The following SYT16 variants were observed in gnomAD, a reference collection of about 807,000 sequenced individuals.
SYT16 encodes the protein synaptotagmin 16.
A neutral mutation model predicts 61.4 loss-of-function variants in SYT16; 42 were observed. The observed-to-expected ratio is 0.68, with a 90% CI of 0.53 to 0.89. The LOEUF is 0.89. Ranked by LOEUF, SYT16 falls within the 40% of genes least tolerant of loss-of-function variation. The pLI is 0.00. For synonymous variants in SYT16, 314 were observed against 302.3 expected (o/e 1.04, Z -0.40); for missense variants, 804 against 807.3 (o/e 1.00, Z 0.05).
intron 1 of SYT16, among the ~76,000 whole-genome samples, chr14:61,964,618 G>A (rs1396127949): frequency 1.3e-5 from 2 of 152,170 alleles, no homozygotes; most frequent in Non-Finnish European, 2.9e-5. Context: ...TTAGGATGCT[G>A]CGTAAACTTA....
chr14:61,917,674 T>C (rs1566678745), intron 1 of SYT16, among the ~76,000 whole-genome samples: 1 of 152,248 alleles, frequency 6.6e-6, no homozygotes, highest in East Asian at 1.9e-4. Context: ...TAAAGGTACT[T>C]GAGTTGGACT....
In SYT16 at chr14:62,018,235, C is replaced by T. The variant is rs188288501; in HGVS notation, c.523+21693C>T. On this transcript the variant is annotated intron_variant, in intron 3 of 7. Coordinates refer to ENST00000683842, the MANE Select transcript of SYT16 (RefSeq NM_001367656.1). ...CTCTCTGACCTTATTCTGTTCCTTT[C>T]TCTTTGCTCACTCTGATTCAGGAAC... Among the ~76,000 whole-genome samples the T allele has an allele frequency of 5.3e-5, 8 of 149,928 alleles. No individual in the cohort carries two copies. The East Asian group carries it at 1.6e-3, about 29-fold the overall frequency.
At chr14:62,074,698 G>A (rs1300682865) in intron 4 of SYT16, among the ~76,000 whole-genome samples, 1 of 152,158 alleles carries the variant, frequency 6.6e-6, no homozygotes, top group African/African-American at 2.4e-5. Context: ...TACTTGGTAG[G>A]ATCACCAAAG....
chr14:61,963,984 G>A (rs547474001), intron 1 of SYT16, among the ~76,000 whole-genome samples: 70 of 152,224 alleles, frequency 4.6e-4, no homozygotes, highest in African/African-American at 1.5e-3. Flanking sequence ...TTGTAAACCC[G>A]CTGTTGAGAC....
At chr14:61,960,972 C>A (rs984062218) in intron 1 of SYT16, among the ~76,000 whole-genome samples, 1 of 152,136 alleles carries the variant, frequency 6.6e-6, no homozygotes, top group Admixed American at 6.6e-5. Context: ...CATACACCTA[C>A]AATCATCTGA....
chr14:61,944,676 G>C (rs2050348343), intron 1 of SYT16, among the ~76,000 whole-genome samples: 1 of 152,130 alleles, frequency 6.6e-6, no homozygotes. Flanking sequence ...GGGAAAACTG[G>C]GTAGCCATAT....
At chr14:61,938,860 T>C (rs978728331) in intron 1 of SYT16, among the ~76,000 whole-genome samples, 6 of 152,236 alleles carry the variant, frequency 3.9e-5, no homozygotes, top group South Asian at 2.1e-4. Context: ...TGAGGCTGGG[T>C]GCGGTGGCTC....
At chr14:61,962,829 G>T (rs538192014) in intron 1 of SYT16, among the ~76,000 whole-genome samples, 1 of 151,972 alleles carries the variant, frequency 6.6e-6, no homozygotes, top group African/African-American at 2.4e-5. Flanking sequence ...TCTAGTATTT[G>T]TGTTTGGTTC....
chr14:61,915,865 C>G (rs540343731), intron 1 of SYT16, among the ~76,000 whole-genome samples: 1 of 152,286 alleles, frequency 6.6e-6, no homozygotes, highest in Admixed American at 6.5e-5. Flanking sequence ...ATTATTAATC[C>G]TTTCCCTGCT....
chr14:61,945,699 A>G (rs1261136128), intron 1 of SYT16, among the ~76,000 whole-genome samples: 1 of 151,854 alleles, frequency 6.6e-6, no homozygotes, highest in Non-Finnish European at 1.5e-5. Context: ...ACTAAAAAAT[A>G]CAAAAAATTA....
rs75009613 is a variant in SYT16 at position 61,975,456 on chromosome 14, C to T, written c.-145+5145C>T. Among the ~76,000 whole-genome samples the T allele has an allele frequency of 5.8e-3, 886 of 152,216 alleles. 8 individuals are homozygous for T. The highest frequency in any genetic ancestry group is 0.02 in the African/African-American group (820 of 41,528). On this transcript the variant is annotated intron_variant, in intron 2 of 7. Transcript: ENST00000683842. The stretch of plus-strand genomic sequence containing the variant: ...AAATAAAAAAGGTTTAATTGACTCA[C>T]GGTTCAGCATGTCTGTAGAGGTCTC...
At chr14:62,050,979 C>A (rs1019301152) in intron 3 of SYT16, among the ~76,000 whole-genome samples, 2 of 152,192 alleles carry the variant, frequency 1.3e-5, no homozygotes, top group Admixed American at 1.3e-4. Context: ...GCTGGGAGAA[C>A]CACTACTCTC....
chr14:62,003,602 A>G (rs2053108500), intron 3 of SYT16, among the ~76,000 whole-genome samples: 1 of 152,032 alleles, frequency 6.6e-6, no homozygotes, highest in Non-Finnish European at 1.5e-5. Context: ...AAAGAGTGGG[A>G]GCATTATTTC....
chr14:62,011,735 G>A (rs965937318), intron 3 of SYT16, among the ~76,000 whole-genome samples: 1 of 151,908 alleles, frequency 6.6e-6, no homozygotes, highest in African/African-American at 2.4e-5. Context: ...GACATTGAAT[G>A]CTGTTTACAA....
At chr14:62,038,122 T>C (rs1052011734) in intron 3 of SYT16, among the ~76,000 whole-genome samples, 1 of 151,932 alleles carries the variant, frequency 6.6e-6, no homozygotes, top group African/African-American at 2.4e-5. Flanking sequence ...AGGATGTGGA[T>C]AGGGGTTTCT....
chr14:62,051,765 A>G (rs2055311860), intron 3 of SYT16, among the ~76,000 whole-genome samples: 1 of 152,228 alleles, frequency 6.6e-6, no homozygotes, highest in South Asian at 2.1e-4. Context: ...TTGGCTGGGC[A>G]TGGTGGCTGT....
rs75689482 is a variant in SYT16 at position 62,024,523 on chromosome 14, G to A, written c.523+27981G>A. ...TTTTAAGTTCCCAATAAAATTGATC[G>A]GAAAGTGCATAGTTCCCATACACCC... is the stretch of plus-strand genomic sequence containing the variant. On this transcript the variant is annotated intron_variant, in intron 3 of 7. Coordinates refer to ENST00000683842, the MANE Select transcript of SYT16 (RefSeq NM_001367656.1). Among the ~76,000 whole-genome samples, 416 of 151,988 alleles carry A rather than the reference G, an allele frequency of 2.7e-3. 1 individual carries two copies. The highest frequency in any genetic ancestry group is 9.6e-3 in the African/African-American group (397 of 41,474).
chr14:62,006,392 T>C (rs2053227453), intron 3 of SYT16, among the ~76,000 whole-genome samples: 1 of 152,176 alleles, frequency 6.6e-6, no homozygotes, highest in African/African-American at 2.4e-5. Context: ...TTAAAAAGCC[T>C]TGTCAAGCTC....
chr14:61,918,495 G>T (rs761587085), intron 1 of SYT16, among the ~76,000 whole-genome samples: 1 of 151,966 alleles, frequency 6.6e-6, no homozygotes, highest in African/African-American at 2.4e-5. Flanking sequence ...GGGGACTGAG[G>T]GAATAAATGA....
Sources: allele counts gnomAD v4.1 joint callset (sites outside exome capture counted in the v4.1 genomes callset), GRCh38; gene constraint gnomAD v4.1.1; transcripts MANE v1.5; gene names NCBI Gene and HGNC (gene_info 2026-07-23, HGNC 2026-07-21).